PAX5: variants seen among roughly 807,000 people sequenced by gnomAD.
PAX5 encodes the protein paired box 5.
A neutral mutation model predicts 43.7 loss-of-function variants in PAX5; 9 were observed. That is an observed-to-expected ratio of 0.21 (90% CI 0.12 to 0.36). The LOEUF (loss-of-function observed/expected upper bound fraction) is 0.36. Ranked by LOEUF, PAX5 falls within the 10% of genes least tolerant of loss-of-function variation. PAX5 has a pLI of 1.00. For missense variants in PAX5, 383 were observed against 532.7 expected (o/e 0.72, Z 2.77); for synonymous variants, 228 against 214.3 (o/e 1.06, Z -0.56).
intron 5 of PAX5, among the ~76,000 whole-genome samples, chr9:36,976,979 T>A (rs1171649759): frequency 1.3e-5 from 2 of 152,182 alleles, no homozygotes; most frequent in Non-Finnish European, 2.9e-5. Flanking sequence ...ACATACTGGG[T>A]ATCTGGCCCT....
intron 8 of PAX5, among the ~76,000 whole-genome samples, chr9:36,872,770 C>T (rs1001598878): frequency 6.6e-6 from 1 of 152,220 alleles, no homozygotes; most frequent in Admixed American, 6.5e-5. Context: ...CTCGTCCCCC[C>T]ACCCTATGAG....
At position 36,998,262 on chromosome 9, in the gene PAX5, G is replaced by C. The variant is rs143254653; in HGVS notation, c.604+4386C>G. ...GGCCATATACCCGAGTCTGGTCTTG[G>C]AGGCAGGCATCCTAGGAAGAACTCT... On this transcript the variant is annotated intron_variant, in intron 5 of 9. Transcript: ENST00000358127. 3.3e-3 allele frequency among the ~76,000 whole-genome samples: 497 copies of C among 152,286 alleles called. 3 individuals carry two copies. Among genetic ancestry groups the C allele is most frequent in the African/African-American group, 0.011 (473 of 41,562 alleles).
chr9:36,916,157 TAA>T (rs1322021874), intron 7 of PAX5, among the ~76,000 whole-genome samples: 1 of 152,268 alleles, frequency 6.6e-6, no homozygotes, highest in African/African-American at 2.4e-5. Context: ...TATTTTAATA[TAA>T]AGAGTGAGGA....
At chr9:36,992,815 G>C (rs1177747210) in intron 5 of PAX5, among the ~76,000 whole-genome samples, 1 of 152,216 alleles carries the variant, frequency 6.6e-6, no homozygotes, top group African/African-American at 2.4e-5. Flanking sequence ...CTTTGCAGCA[G>C]CCTGAAGCAG....
intron 2 of PAX5, among the ~76,000 whole-genome samples, chr9:37,017,260 C>G (rs1438959097): frequency 6.6e-6 from 1 of 152,172 alleles, no homozygotes; most frequent in Non-Finnish European, 1.5e-5. Flanking sequence ...TCACACTAAC[C>G]CTGCAAGGCC....
intron 7 of PAX5, among the ~76,000 whole-genome samples, chr9:36,890,085 C>T (rs1270273985): frequency 6.6e-6 from 1 of 152,104 alleles, no homozygotes; most frequent in Non-Finnish European, 1.5e-5. Context: ...CACAGAAATC[C>T]TCCCAGTCCT....
intron 8 of PAX5, among the ~76,000 whole-genome samples, chr9:36,876,054 G>C (rs1020150169): frequency 1.3e-4 from 20 of 152,216 alleles, no homozygotes; most frequent in African/African-American, 3.6e-4. Context: ...AGGTGAGAGG[G>C]GACCAGGCAA....
At chr9:36,867,744 C>T (rs997851884) in intron 8 of PAX5, among the ~76,000 whole-genome samples, 2 of 152,090 alleles carry the variant, frequency 1.3e-5, no homozygotes, top group Non-Finnish European at 2.9e-5. Flanking sequence ...CTTCTCTCTT[C>T]CTTTCTTTCT....
At chr9:37,022,376 C>G (rs1839924367) in intron 1 of PAX5, among the ~76,000 whole-genome samples, 2 of 152,218 alleles carry the variant, frequency 1.3e-5, no homozygotes, top group Admixed American at 6.5e-5. Flanking sequence ...TGGCCAAGAG[C>G]CTTCAGAAGG....
chr9:36,858,466 C>T (rs183186604), intron 8 of PAX5, among the ~76,000 whole-genome samples: 1 of 152,316 alleles, frequency 6.6e-6, no homozygotes, highest in Non-Finnish European at 1.5e-5. Context: ...AGATTGGTTT[C>T]CAGTCTTTCT....
At chr9:36,899,193 A>G (rs1828149230) in intron 7 of PAX5, among the ~76,000 whole-genome samples, 1 of 152,100 alleles carries the variant, frequency 6.6e-6, no homozygotes, top group Non-Finnish European at 1.5e-5. Context: ...AAATGCCACC[A>G]ATATCATCTC....
chr9:36,934,519 T>C (rs1001747243), intron 6 of PAX5, among the ~76,000 whole-genome samples: 1 of 152,246 alleles, frequency 6.6e-6, no homozygotes, highest in African/African-American at 2.4e-5. Flanking sequence ...CTCGGTATTA[T>C]TTCTTACAAC....
At chr9:36,883,585 C>T (rs1035482301) in intron 7 of PAX5, among the ~76,000 whole-genome samples, 22 of 152,054 alleles carry the variant, frequency 1.4e-4, no homozygotes, top group Non-Finnish European at 3.1e-4. Flanking sequence ...GCAGGAGAAT[C>T]GCTTGAACCT....
chr9:37,029,295 TG>T (rs1443129943), intron 1 of PAX5, among the ~76,000 whole-genome samples: 1 of 152,158 alleles, frequency 6.6e-6, no homozygotes, highest in Non-Finnish European at 1.5e-5. Context: ...ACTCCTACAC[TG>T]GGGTCGACTC....
In PAX5 at chr9:36,876,352, A is replaced by G. The variant is rs1825911352; in HGVS notation, c.1012+5652T>C. 4.6e-5 allele frequency among the ~76,000 whole-genome samples: 7 copies of G among 152,386 alleles called. No homozygotes were observed. In the South Asian group the frequency reaches 1.5e-3, roughly 32 times the overall value. ...TCAATCCATGGCAAGTACAGTGCCC[A>G]GGCCCACAGGGACCCCACCTAGTGC... On this transcript the variant is annotated intron_variant, in intron 8 of 9. Coordinates refer to ENST00000358127, the MANE Select transcript of PAX5 (RefSeq NM_016734.3).
chr9:36,994,630 C>T (rs1837233399), intron 5 of PAX5, among the ~76,000 whole-genome samples: 1 of 152,304 alleles, frequency 6.6e-6, no homozygotes, highest in Admixed American at 6.5e-5. Context: ...GCTCAAAGAC[C>T]TTCAGGCCAA....
intron 6 of PAX5, among the ~76,000 whole-genome samples, chr9:36,949,153 C>T (rs1832795069): frequency 6.6e-6 from 1 of 152,124 alleles, no homozygotes; most frequent in African/African-American, 2.4e-5. Context: ...CCTCTGCCTC[C>T]GGGTTCACGC....
In PAX5 at chr9:36,996,779, G is replaced by C. The variant is rs1310547104; in HGVS notation, c.604+5869C>G. Reference sequence around the variant, plus strand: ...GTGGAGGTCTGCTGGGCAGGGCTGAGGGGGCGTCCAGCCTGAAAGAGACAG... The same window carrying C: ...GTGGAGGTCTGCTGGGCAGGGCTGACGGGGCGTCCAGCCTGAAAGAGACAG... On this transcript the variant is annotated intron_variant, in intron 5 of 9. Coordinates refer to ENST00000358127, the MANE Select transcript of PAX5 (RefSeq NM_016734.3). Among the ~76,000 whole-genome samples the C allele has an allele frequency of 2.6e-5, 4 of 152,210 alleles. No homozygotes were observed. In the South Asian group the frequency reaches 8.3e-4, roughly 32 times the overall value.
At chr9:36,865,145 C>T (rs1197352465) in intron 8 of PAX5, among the ~76,000 whole-genome samples, 2 of 152,194 alleles carry the variant, frequency 1.3e-5, no homozygotes, top group African/African-American at 4.8e-5. Context: ...AAATACAGAG[C>T]CCCCTATTTG....
Sources: gnomAD v4.1 joint callset for allele counts (sites outside exome capture counted in the v4.1 genomes callset) on GRCh38, gnomAD v4.1.1 for gene constraint, MANE v1.5 for transcripts, NCBI Gene and HGNC (gene_info 2026-07-23, HGNC 2026-07-21) for gene names.